The following PTPRM variants were observed in gnomAD, a reference collection of about 807,000 sequenced individuals.
PTPRM encodes receptor-type tyrosine-protein phosphatase mu.
In PTPRM, 47 loss-of-function variants were observed where a neutral mutation model predicts 186.7. The observed-to-expected ratio is 0.25, with a 90% confidence interval of 0.20 to 0.32. The LOEUF is 0.32. Among genes scored for constraint, PTPRM ranks in the 10% least tolerant of loss-of-function variants. PTPRM has a pLI of 1.00. For missense variants in PTPRM, 1,494 were observed against 1,865.0 expected, an observed-to-expected ratio of 0.80 and a Z score of 3.66; for synonymous variants, 668 against 674.9, an observed-to-expected ratio of 0.99 and a Z score of 0.16.
intron 7 of PTPRM, among the ~76,000 whole-genome samples, chr18:8,002,896 T>C (rs1450407381): frequency 6.6e-6 from 1 of 152,236 alleles, no homozygotes. Context: ...GAGAGACTAA[T>C]GGGTTTTAGG....
chr18:8,174,559 A>G (rs1437522351), intron 14 of PTPRM, among the ~76,000 whole-genome samples: 1 of 152,212 alleles, frequency 6.6e-6, no homozygotes, highest in African/African-American at 2.4e-5. Context: ...ATACTGACCA[A>G]GTGTGGAGGA....
At chr18:8,310,087 T>C (rs184606852) in intron 20 of PTPRM, among the ~76,000 whole-genome samples, 136 of 152,250 alleles carry the variant, frequency 8.9e-4, no homozygotes, top group African/African-American at 3.0e-3. Context: ...CACCATCTTC[T>C]GCCCTTTTTC....
At chr18:7,824,201 A>G (rs939797899) in intron 2 of PTPRM, among the ~76,000 whole-genome samples, 4 of 152,130 alleles carry the variant, frequency 2.6e-5, no homozygotes, top group Admixed American at 6.5e-5. Context: ...CCTGAGCATT[A>G]CCTGGACTCT....
intron 2 of PTPRM, among the ~76,000 whole-genome samples, chr18:7,879,701 G>A (rs1244944630): frequency 6.6e-6 from 1 of 152,104 alleles, no homozygotes; most frequent in Non-Finnish European, 1.5e-5. Flanking sequence ...CACATCTGAG[G>A]TATATGAGCT....
chr18:8,127,312 A>G (rs973581091), intron 13 of PTPRM, among the ~76,000 whole-genome samples: 2 of 151,964 alleles, frequency 1.3e-5, no homozygotes, highest in Non-Finnish European at 2.9e-5. Context: ...TATCAAAGGA[A>G]TGCTTAGAAT....
At chr18:7,737,162 C>T (rs182816896) in intron 1 of PTPRM, among the ~76,000 whole-genome samples, 2 of 151,760 alleles carry the variant, frequency 1.3e-5, no homozygotes, top group Admixed American at 6.6e-5. Context: ...GAGTCACACT[C>T]TGTCATCCAG....
rs2045559102 is a variant in PTPRM, at chr18:7,827,746, A to T, written c.196+53475A>T. 1.3e-5 allele frequency among the ~76,000 whole-genome samples: 2 copies of T among 152,122 alleles called. 1 individual carries two copies. The highest frequency in any genetic ancestry group is 1.3e-4 in the Admixed American group (2 of 15,272). On this transcript the variant is annotated intron_variant, in intron 2 of 32. Transcript: ENST00000580170. ...TCATGGTTGAACTGGTAGTGTTCTG[A>T]TTTCCCATGTGAGCACGTGTGCCCA... is the stretch of plus-strand genomic sequence containing the variant.
intron 1 of PTPRM, among the ~76,000 whole-genome samples, chr18:7,590,376 G>A (rs1371738373): frequency 6.6e-6 from 1 of 152,138 alleles, no homozygotes; most frequent in Admixed American, 6.5e-5. Flanking sequence ...AGGGTGATGG[G>A]TCATCCAAAA....
At chr18:7,593,675 T>A (rs1362211394) in intron 1 of PTPRM, among the ~76,000 whole-genome samples, 1 of 152,222 alleles carries the variant, frequency 6.6e-6, no homozygotes, top group African/African-American at 2.4e-5. Context: ...TTACGTCCAC[T>A]TTCTACCTGC....
At chr18:8,060,371 G>T (rs1379565291) in intron 7 of PTPRM, among the ~76,000 whole-genome samples, 1 of 36,846 alleles carries the variant, frequency 2.7e-5, no homozygotes, top group Non-Finnish European at 5.4e-5. Context: ...TCTTGCTAGC[G>T]GTCTATCAAT....
intron 1 of PTPRM, among the ~76,000 whole-genome samples, chr18:7,748,234 A>G (rs886081792): frequency 1.3e-5 from 2 of 152,234 alleles, no homozygotes; most frequent in Non-Finnish European, 2.9e-5. Context: ...ATGTGGCTAG[A>G]GTCTTTAAGG....
At chr18:7,833,377 T>A (rs1949449214) in intron 2 of PTPRM, among the ~76,000 whole-genome samples, 1 of 152,186 alleles carries the variant, frequency 6.6e-6, no homozygotes, top group South Asian at 2.1e-4. Flanking sequence ...TTTTTGGCTA[T>A]TGTAAATGGG....
At chr18:8,068,608 G>A (rs1475485676) in intron 7 of PTPRM, among the ~76,000 whole-genome samples, 1 of 152,134 alleles carries the variant, frequency 6.6e-6, no homozygotes, top group Non-Finnish European at 1.5e-5. Context: ...AAATTGTCAT[G>A]AACAGGCAAG....
intron 14 of PTPRM, among the ~76,000 whole-genome samples, chr18:8,162,257 G>A (rs967006064): frequency 2.6e-5 from 4 of 151,812 alleles, no homozygotes; most frequent in African/African-American, 7.3e-5. Context: ...ATGCCACCAC[G>A]CCCAGCTAAT....
intron 15 of PTPRM, among the ~76,000 whole-genome samples, chr18:8,246,034 C>T (rs2094473924): frequency 6.6e-6 from 1 of 152,194 alleles, no homozygotes; most frequent in Admixed American, 6.5e-5. Context: ...ACAGAAGGAA[C>T]ACAGCAGTAG....
At chr18:8,385,881 A>T (rs1294128278) in intron 30 of PTPRM, among the ~76,000 whole-genome samples, 1 of 152,160 alleles carries the variant, frequency 6.6e-6, no homozygotes, top group Non-Finnish European at 1.5e-5. Context: ...AATGACAGTG[A>T]TAGGAGAGGA....
intron 1 of PTPRM, among the ~76,000 whole-genome samples, chr18:7,653,358 G>T (rs986051801): frequency 6.6e-6 from 1 of 152,024 alleles, no homozygotes; most frequent in Non-Finnish European, 1.5e-5. Context: ...TACGTGTATA[G>T]CTTTGTTATA....
At chr18:7,608,324 A>G (rs2037587164) in intron 1 of PTPRM, among the ~76,000 whole-genome samples, 2 of 152,214 alleles carry the variant, frequency 1.3e-5, no homozygotes, top group South Asian at 2.1e-4. Flanking sequence ...ATTCAAATAC[A>G]GCTTGTCCAG....
chr18:8,070,221 T>C (rs1964221537), intron 8 of PTPRM, among the ~76,000 whole-genome samples: 2 of 152,194 alleles, frequency 1.3e-5, no homozygotes, highest in South Asian at 4.1e-4. Context: ...TTTCTATATA[T>C]AATCATTCCA....
Sources: allele counts gnomAD v4.1 joint callset (sites outside exome capture counted in the v4.1 genomes callset), GRCh38; gene constraint gnomAD v4.1.1; transcripts MANE v1.5; gene names NCBI Gene and HGNC (gene_info 2026-07-23, HGNC 2026-07-21).